Variants in CLIP4 observed in about 807,000 individuals in gnomAD.
CLIP4 encodes the protein CAP-Gly domain-containing linker protein 4.
In CLIP4, 47 loss-of-function variants were observed where a neutral mutation model predicts 73.1. That is an observed-to-expected ratio of 0.64 (90% CI 0.51 to 0.82). The LOEUF (loss-of-function observed/expected upper bound fraction) is 0.82, where lower values mean the gene tolerates loss of function less well. Among genes scored for constraint, CLIP4 ranks in the 40% least tolerant of loss-of-function variants. CLIP4 has a pLI of 0.00. For missense variants in CLIP4, 874 were observed against 852.9 expected, an observed-to-expected ratio of 1.02 and a Z score of -0.31; for synonymous variants, 306 against 295.4, an observed-to-expected ratio of 1.04 and a Z score of -0.37.
chr2:29,143,950 A>G lies in CLIP4; in HGVS notation c.885+5A>G. The G allele has an allele frequency of 1.9e-6, 3 of 1,611,676 alleles. No individual in the cohort carries two copies. Among genetic ancestry groups the G allele is most frequent in the Middle Eastern group, 1.7e-4 (1 of 6,058 alleles). ...GTTGTTATTGCAGGACAGAAGGTAC[A>G]GTAAGTAACTGCAATCTCTGAAGCC... On this transcript the variant is annotated splice_donor_5th_base_variant and intron_variant, in intron 7 of 15. Coordinates refer to ENST00000320081, the MANE Select transcript of CLIP4 (RefSeq NM_024692.6).
intron 8 of CLIP4, among the ~76,000 whole-genome samples, chr2:29,149,101 C>T (rs1343281079): frequency 6.6e-6 from 1 of 152,136 alleles, no homozygotes; most frequent in East Asian, 1.9e-4. Context: ...TCTGTTGTAC[C>T]TGCTACTCAG....
chr2:29,125,485 CTT>C lies in CLIP4; in HGVS notation c.133+3965_133+3966del, dbSNP rs1344165232. ...CTGGCCGCCTCAAGTTCCCCAGACTCTTAGCTCTGTCTCCTCGACTCAGTGAG... is the reference window on the plus strand; with the variant it reads ...CTGGCCGCCTCAAGTTCCCCAGACTCAGCTCTGTCTCCTCGACTCAGTGAG... On this transcript the variant is annotated intron_variant, in intron 2 of 15. Coordinates refer to ENST00000320081, the MANE Select transcript of CLIP4 (RefSeq NM_024692.6). Among the ~76,000 whole-genome samples, 6 of 152,270 alleles carry C rather than the reference CTT, an allele frequency of 3.9e-5. No individual in the cohort carries two copies. In the East Asian group the frequency reaches 1.2e-3, roughly 29 times the overall value.
intron 1 of CLIP4, among the ~76,000 whole-genome samples, chr2:29,106,644 A>G (rs1454479292): frequency 6.6e-6 from 1 of 152,142 alleles, no homozygotes; most frequent in African/African-American, 2.4e-5. Context: ...TGCAACCATG[A>G]CACTCTCTAT....
At chr2:29,138,863 T>C (rs932121149) in intron 6 of CLIP4, among the ~76,000 whole-genome samples, 2 of 152,210 alleles carry the variant, frequency 1.3e-5, no homozygotes, top group Non-Finnish European at 2.9e-5. Flanking sequence ...CCTGAAACTT[T>C]ACTGAAGTTG....
At chr2:29,145,868 G>T (rs1368443501) in intron 8 of CLIP4, among the ~76,000 whole-genome samples, 6 of 152,206 alleles carry the variant, frequency 3.9e-5, no homozygotes, top group African/African-American at 1.4e-4. Context: ...TTTCAGTAGA[G>T]ACAGGGTTTC....
chr2:29,152,340 C>G (rs1182712875), intron 8 of CLIP4, among the ~76,000 whole-genome samples: 3 of 152,056 alleles, frequency 2.0e-5, no homozygotes, highest in Non-Finnish European at 4.4e-5. Flanking sequence ...TTATGGCAAA[C>G]AGTCTTCAAA....
intron 2 of CLIP4, among the ~76,000 whole-genome samples, chr2:29,129,516 A>G (rs1413869922): frequency 2.6e-5 from 4 of 152,018 alleles, no homozygotes; most frequent in African/African-American, 4.8e-5. Flanking sequence ...CCATGTGTCA[A>G]TTAAAATAAT....
At chr2:29,140,359 T>C (rs1473967435) in intron 6 of CLIP4, among the ~76,000 whole-genome samples, 1 of 152,140 alleles carries the variant, frequency 6.6e-6, no homozygotes. Flanking sequence ...GATAGTTTAC[T>C]GAGAATGATG....
chr2:29,121,559 T>A (rs755127642), intron 2 of CLIP4, 38 bp downstream of exon 2: 2 of 1,605,116 alleles, frequency 1.2e-6, no homozygotes, highest in Admixed American at 1.7e-5. Flanking sequence ...TGTGAACTGG[T>A]AACTTGACTT....
At chr2:29,110,817 A>C (rs1168848760), upstream of CLIP4, among the ~76,000 whole-genome samples, 1 of 152,024 alleles carries the variant, frequency 6.6e-6, no homozygotes, top group Non-Finnish European at 1.5e-5. Context: ...GCCTCCCAAG[A>C]AGCTGAGATC....
At chr2:29,112,164 C>T (rs1009109008), upstream of CLIP4, among the ~76,000 whole-genome samples, 1 of 152,122 alleles carries the variant, frequency 6.6e-6, no homozygotes, top group Non-Finnish European at 1.5e-5. Flanking sequence ...ATTTTTATTA[C>T]TATGTGGCAA....
At chr2:29,156,196 A>G (rs1030361197) in intron 9 of CLIP4, among the ~76,000 whole-genome samples, 158 bp from the exon 10 acceptor site, 1 of 152,210 alleles carries the variant, frequency 6.6e-6, no homozygotes, top group Non-Finnish European at 1.5e-5. Flanking sequence ...GCTAGTGCTT[A>G]TACCAAAACA....
chr2:29,166,233 G>T (rs1370498528), intron 13 of CLIP4, among the ~76,000 whole-genome samples: 1 of 152,082 alleles, frequency 6.6e-6, no homozygotes, highest in South Asian at 2.1e-4. Flanking sequence ...ACTAGGGACT[G>T]CTTGAGGACA....
At chr2:29,147,014 G>T (rs1428634839) in intron 8 of CLIP4, among the ~76,000 whole-genome samples, 11 of 152,112 alleles carry the variant, frequency 7.2e-5, no homozygotes, top group Admixed American at 7.2e-4. Context: ...TTATAAAAAT[G>T]CTGATTGTAT....
intron 6 of CLIP4, among the ~76,000 whole-genome samples, chr2:29,137,498 C>A (rs1665453279): frequency 6.6e-6 from 1 of 152,066 alleles, no homozygotes; most frequent in African/African-American, 2.4e-5. Context: ...AGTGCAGTGT[C>A]TTTTTGGTAA....
At chr2:29,145,520 A>G (rs1318857256) in intron 8 of CLIP4, among the ~76,000 whole-genome samples, 153 bp downstream of exon 8, 1 of 152,196 alleles carries the variant, frequency 6.6e-6, no homozygotes, top group African/African-American at 2.4e-5. Context: ...GATAGGAGAT[A>G]GTTATATTTA....
At chr2:29,130,399 T>C (rs1572903291) in intron 2 of CLIP4, among the ~76,000 whole-genome samples, 2 of 152,230 alleles carry the variant, frequency 1.3e-5, no homozygotes, top group East Asian at 1.9e-4. Context: ...AGGAAATTCA[T>C]ACAGCTTAAT....
intron 6 of CLIP4, among the ~76,000 whole-genome samples, chr2:29,138,443 C>G (rs1360635225): frequency 6.7e-6 from 1 of 148,364 alleles, no homozygotes; most frequent in South Asian, 2.1e-4. Flanking sequence ...TGTGATGCCT[C>G]TGGCTTCTGT....
At chr2:29,172,940 AT>A (rs1378728844) in intron 14 of CLIP4, among the ~76,000 whole-genome samples, 2 of 151,716 alleles carry the variant, frequency 1.3e-5, no homozygotes, top group Admixed American at 1.3e-4. Flanking sequence ...ATATTTTCAA[AT>A]TTTTCTTTTA....
Sources: allele counts gnomAD v4.1 joint callset (sites outside exome capture counted in the v4.1 genomes callset), GRCh38; gene constraint gnomAD v4.1.1; transcripts MANE v1.5; gene names NCBI Gene and HGNC (gene_info 2026-07-23, HGNC 2026-07-21).